Variants in TLR1 observed in about 807,000 individuals in gnomAD.
TLR1 encodes toll-like receptor 1.
Under a neutral mutation model 20.2 loss-of-function variants are expected in TLR1, and 19 were observed. That is an observed-to-expected ratio of 0.94 (90% CI 0.66 to 1.38). The LOEUF (loss-of-function observed/expected upper bound fraction) is 1.38, where lower values mean the gene tolerates loss of function less well. Ranked by LOEUF, TLR1 falls within the 40% of genes most tolerant of loss-of-function variation. TLR1 has a pLI of 0.00. For missense variants in TLR1, 921 were observed against 910.0 expected (o/e 1.01, Z -0.16); for synonymous variants, 320 against 334.5 (o/e 0.96, Z 0.47).
downstream of TLR1, among the ~76,000 whole-genome samples, chr4:38,791,823 T>C (rs117803598): frequency 1.2e-4 from 18 of 152,322 alleles, no homozygotes; most frequent in East Asian, 3.5e-3. Flanking sequence ...CTCGTAACAA[T>C]AGTATGAGAC....
chr4:38,792,215 C>A (rs1579192893), downstream of TLR1, among the ~76,000 whole-genome samples: 1 of 152,274 alleles, frequency 6.6e-6, no homozygotes, highest in East Asian at 1.9e-4. Flanking sequence ...TTTACAAAGC[C>A]CAGCTTTATA....
Position 38,797,989 on chromosome 4 carries a change from C to T in TLR1, c.843G>A (p.Val281=). The part of the protein sequence containing the change: ...TTVWYFSISN[V]KLQGQLDFRD... ...TGAAGTCCAGCTGACCCTGTAGCTT[C>T]ACGTTTGAAATTGAGAAATACCATA... The change falls in exon 4 of 4, where the codon GTG becomes GTA. Residue 281 remains valine, a synonymous_variant. Transcript: ENST00000308979. The T allele has an allele frequency of 6.2e-7, 1 of 1,614,192 alleles. No homozygotes were observed. Among genetic ancestry groups the T allele is most frequent in the Non-Finnish European group, 8.5e-7 (1 of 1,180,036 alleles).
chr4:38,793,727 CA>C (rs1449364154), downstream of TLR1, among the ~76,000 whole-genome samples: 1 of 151,970 alleles, frequency 6.6e-6, no homozygotes, highest in Non-Finnish European at 1.5e-5. Context: ...CAGGGTGTAA[CA>C]AGTTGAATTG....
chr4:38,799,351 G>T (rs747175355), intron 3 of TLR1, among the ~76,000 whole-genome samples: 20 of 152,152 alleles, frequency 1.3e-4, no homozygotes, highest in Non-Finnish European at 2.1e-4. Context: ...AGAGGCAATT[G>T]AGACACAGAG....
intron 2 of TLR1, among the ~76,000 whole-genome samples, 182 bp from the exon 3 acceptor site, chr4:38,801,130 G>A (rs5743594): frequency 0.12 from 17,841 of 152,238 alleles, 1,487 homozygotes; most frequent in Non-Finnish European, 0.19. Flanking sequence ...TTGAATGTTT[G>A]TGCCCTGTGA....
rs1387685618 is a variant in TLR1 at position 38,797,348 on chromosome 4, A to G, written c.1484T>C (p.Leu495Ser). ...GGAAACTGAATTGTGATCAATGATC[A>G]ATACAGAAAGGCTGCTAAAGCTGCC... Reference protein sequence around the residue: ...GCGSFSSLSVLIIDHNSVSHP... With the variant: ...GCGSFSSLSVSIIDHNSVSHP... Residue 495 changes from leucine (L) to serine (S), a missense_variant, in exon 4 of 4, where the codon TTG becomes TCG. Leu to Ser is a moderately radical substitution (Grantham distance 145, BLOSUM62 -2). Coordinates refer to ENST00000308979, the MANE Select transcript of TLR1 (RefSeq NM_003263.4). The G allele has an allele frequency of 1.9e-6, 3 of 1,614,136 alleles. No individual in the cohort carries two copies. The highest frequency in any genetic ancestry group is 1.1e-5 in the South Asian group (1 of 91,082).
At position 38,798,422 on chromosome 4, in the gene TLR1, T is replaced by C. The variant is rs1271806036; in HGVS notation, c.410A>G (p.Asn137Ser). The C allele has an allele frequency of 6.2e-7, 1 of 1,613,496 alleles. No individual in the cohort carries two copies. The highest frequency in any genetic ancestry group is 2.2e-5 in the East Asian group (1 of 44,864). Reference protein sequence around the residue: ...DALPICKEFGNMSQLKFLGLS... With the variant: ...DALPICKEFGSMSQLKFLGLS... ...CCCCAGAAATTTTAGTTGAGACATA[T>C]TGCCAAACTCTTTGCATATAGGCAG... is the stretch of plus-strand genomic sequence containing the variant. Residue 137 changes from asparagine (N) to serine (S), a missense_variant, in exon 4 of 4, where the codon AAT becomes AGT. Coordinates refer to ENST00000308979, the MANE Select transcript of TLR1 (RefSeq NM_003263.4).
chr4:38,802,324 G>A (rs1481377259), intron 2 of TLR1, among the ~76,000 whole-genome samples: 1 of 149,460 alleles, frequency 6.7e-6, no homozygotes, highest in Non-Finnish European at 1.5e-5. Context: ...GCAGACTCCT[G>A]ACAAACTCTC....
downstream of TLR1, among the ~76,000 whole-genome samples, chr4:38,794,162 A>G (rs1446349431): frequency 2.0e-5 from 3 of 152,220 alleles, no homozygotes; most frequent in Non-Finnish European, 2.9e-5. Flanking sequence ...GAAAACGAAT[A>G]CATAACTGCT....
chr4:38,800,566 T>C (rs1021019863), intron 3 of TLR1: 15 of 152,242 alleles, frequency 9.9e-5, no homozygotes, highest in African/African-American at 3.4e-4. Flanking sequence ...GGGAGCTGTG[T>C]TGGGATGAAC....
At position 38,797,907 on chromosome 4, in the gene TLR1, T is replaced by C; in HGVS notation, c.925A>G (p.Ser309Gly). The C allele has an allele frequency of 4.3e-6, 7 of 1,614,094 alleles. No individual in the cohort carries two copies. The highest frequency in any genetic ancestry group is 5.9e-6 in the Non-Finnish European group (7 of 1,179,946). ...LKALSIHQVV[S>G]DVFGFPQSYI... Reference sequence around the variant, plus strand: ...CTTTGCGGAAAACCGAACACATCGCTGACAACTTGGTGTATAGACAAGGCC... The same window carrying C: ...CTTTGCGGAAAACCGAACACATCGCCGACAACTTGGTGTATAGACAAGGCC... The change falls in exon 4 of 4, where the codon AGC becomes GGC. Residue 309 changes from serine to glycine, a missense_variant. By Grantham distance (56) the Ser-to-Gly change is moderately conservative (BLOSUM62 0). Transcript: ENST00000308979.
chr4:38,787,653 A>G (rs1219224786), downstream of TLR1, among the ~76,000 whole-genome samples: 1 of 152,168 alleles, frequency 6.6e-6, no homozygotes, highest in Non-Finnish European at 1.5e-5. Context: ...ATAAAAAATT[A>G]CTAGCAAGAT....
At chr4:38,791,252 G>A (rs1725710336) in intron 3 of TLR1, 1 of 152,152 alleles carries the variant, frequency 6.6e-6, no homozygotes, top group African/African-American at 2.4e-5. Context: ...AGGGGTTGGG[G>A]ACTTGAGTCA....
At position 38,796,563 on chromosome 4, in the gene TLR1, C is replaced by A. The variant is rs377263744; in HGVS notation, c.2269G>T (p.Glu757Ter). ...KSLMARRTYL[E>*]WPKEKSKRGL... is the part of the protein sequence containing the mutation. ...CGTTTGCTCTTTTCCTTGGGCCATT[C>A]CAAATAAGTCCTCCTGGCCATGAGA... Residue 757 changes from glutamate to a stop codon, truncating the protein, a stop_gained, in exon 4 of 4, where the codon GAA becomes TAA. Coordinates refer to ENST00000308979, the MANE Select transcript of TLR1 (RefSeq NM_003263.4). LOFTEE classifies it high-confidence loss of function. The A allele has an allele frequency of 3.1e-6, 5 of 1,614,150 alleles. No individual in the cohort carries two copies. In the South Asian group the frequency reaches 5.5e-5, roughly 18 times the overall value.
rs761878041 is a variant in TLR1, at chr4:38,796,943, T to C, written c.1889A>G (p.Glu630Gly). The change falls in exon 4 of 4, where the codon GAA becomes GGA. Residue 630 changes from glutamate (E) to glycine (G), a missense_variant. Physicochemically the swap from Glu to Gly is moderately conservative, Grantham distance 98 (BLOSUM62 -2). Transcript: ENST00000308979. Reference sequence around the variant, plus strand: ...ATGAAACTGGAGATTTCTTTGGAGTTCTTCTAAGGGTATGTTCCTGGCCCT... The same window carrying C: ...ATGAAACTGGAGATTTCTTTGGAGTCCTTCTAAGGGTATGTTCCTGGCCCT... Reference protein sequence around the residue: ...RRRARNIPLEELQRNLQFHAF... With the variant: ...RRRARNIPLEGLQRNLQFHAF... The C allele has an allele frequency of 6.2e-7, 1 of 1,614,200 alleles. No individual in the cohort carries two copies. Among genetic ancestry groups the C allele is most frequent in the South Asian group, 1.1e-5 (1 of 91,084 alleles).
intron 2 of TLR1, among the ~76,000 whole-genome samples, chr4:38,802,696 C>T (rs538504286): frequency 6.6e-6 from 1 of 152,334 alleles, no homozygotes; most frequent in Non-Finnish European, 1.5e-5. Context: ...TCTAAAACTT[C>T]TTAATAAACT....
At position 38,797,860 on chromosome 4, in the gene TLR1, C is replaced by A; in HGVS notation, c.972G>T (p.Ser324=). ...FPQSYIYEIF[S]NMNIKNFTVS... Reference sequence around the variant, plus strand: ...CTGTGAAATTTTTGATGTTCATATTCGAAAAGATTTCATAGATATAACTTT... The same window carrying A: ...CTGTGAAATTTTTGATGTTCATATTAGAAAAGATTTCATAGATATAACTTT... Residue 324 remains serine, a synonymous_variant, in exon 4 of 4, where the codon TCG becomes TCT. Coordinates refer to ENST00000308979, the MANE Select transcript of TLR1 (RefSeq NM_003263.4). The A allele has an allele frequency of 2.5e-6, 4 of 1,613,940 alleles. No homozygotes were observed. Among genetic ancestry groups the A allele is most frequent in the Non-Finnish European group, 3.4e-6 (4 of 1,179,858 alleles).
At position 38,798,902 on chromosome 4, in the gene TLR1, GA is replaced by G. The variant is rs896903830; in HGVS notation, c.-67-5del. On this transcript the variant is annotated splice_polypyrimidine_tract_variant and splice_region_variant and intron_variant, in intron 3 of 3. Coordinates refer to ENST00000308979, the MANE Select transcript of TLR1 (RefSeq NM_003263.4). ...CATCTTGATACAGATACAGATTCTA[GA>G]AAAAAAATAATGAAATGATGAAATA... The G allele has an allele frequency of 3.6e-5, 42 of 1,154,480 alleles. No homozygotes were observed. The highest frequency in any genetic ancestry group is 5.3e-5 in the Admixed American group (2 of 37,390). 71.5% of individuals were successfully genotyped at this position (1,154,480 alleles called of 1,614,324 possible).
chr4:38,802,074 G>A (rs1031167788), intron 2 of TLR1, among the ~76,000 whole-genome samples: 9 of 152,200 alleles, frequency 5.9e-5, no homozygotes, highest in Non-Finnish European at 1.3e-4. Flanking sequence ...GCAGGTGCCT[G>A]TAATCCCAGC....
Sources: gnomAD v4.1 joint callset for allele counts (sites outside exome capture counted in the v4.1 genomes callset) on GRCh38, gnomAD v4.1.1 for gene constraint, MANE v1.5 for transcripts, NCBI Gene and HGNC (gene_info 2026-07-23, HGNC 2026-07-21) for gene names.